CAMSAP1: variants seen among roughly 807,000 people sequenced by gnomAD.
CAMSAP1 encodes calmodulin regulated spectrin associated protein 1, also known as calmodulin-regulated spectrin-associated protein 1.
Under a neutral mutation model 143.5 loss-of-function variants are expected in CAMSAP1, and 58 were observed. That is an observed-to-expected ratio of 0.40 (90% CI 0.33 to 0.50). The LOEUF is 0.50. Ranked by LOEUF, CAMSAP1 falls within the 20% of genes least tolerant of loss-of-function variation. CAMSAP1 has a pLI of 0.45. For missense variants in CAMSAP1, 1,969 were observed against 2,115.7 expected (o/e 0.93, Z 1.36); for synonymous variants, 945 against 859.3 (o/e 1.10, Z -1.74).
At chr9:135,814,670 C>T (rs1050920315) in intron 16 of CAMSAP1, among the ~76,000 whole-genome samples, 2 of 152,202 alleles carry the variant, frequency 1.3e-5, no homozygotes, top group Non-Finnish European at 2.9e-5. Context: ...TCCTCCCCAA[C>T]CCACCGCTCC....
chr9:135,827,480 G>T lies in CAMSAP1; in HGVS notation c.1150C>A (p.Leu384Met). 6.2e-7 allele frequency: 1 copy of T among 1,611,720 alleles called. No homozygotes were observed. Among genetic ancestry groups the T allele is most frequent in the Non-Finnish European group, 8.5e-7 (1 of 1,178,038 alleles). ...GSPAAGTLAE[L>M]QPPVQLPAEG... ...GCCGGCAGCTGCACGGGGGGCTGCA[G>T]CTCAGCCAGGGTCCCTGCAGCAGGG... The change falls in exon 8 of 17, where the codon CTG becomes ATG. Residue 384 changes from leucine (L) to methionine (M), a missense_variant. Coordinates refer to ENST00000389532, the MANE Select transcript of CAMSAP1 (RefSeq NM_015447.4).
chr9:135,906,933 C>T (rs1838801340), intron 1 of CAMSAP1, 67 bp downstream of exon 1: 11 of 893,042 alleles, frequency 1.2e-5, no homozygotes, highest in Non-Finnish European at 1.5e-5. Context: ...CCGGCCGGAC[C>T]CCGGCCGCGT....
At chr9:135,843,873 CAAAAAAA>C (rs150201026) in intron 7 of CAMSAP1, among the ~76,000 whole-genome samples, 151 of 63,948 alleles carry the variant, frequency 2.4e-3, no homozygotes, top group African/African-American at 7.7e-3. Flanking sequence ...GACTCCGTCT[CAAAAAAA>C]AAAAAAAAAA....
intron 5 of CAMSAP1, among the ~76,000 whole-genome samples, chr9:135,860,742 G>A (rs1837159028): frequency 6.6e-6 from 1 of 151,692 alleles, no homozygotes; most frequent in South Asian, 2.1e-4. Context: ...TAAATATCCT[G>A]TTATCTTTCA....
intron 5 of CAMSAP1, among the ~76,000 whole-genome samples, chr9:135,856,193 A>C (rs1836963671): frequency 6.6e-6 from 1 of 152,250 alleles, no homozygotes; most frequent in Non-Finnish European, 1.5e-5. Flanking sequence ...AATTTACAAA[A>C]GAAAGCAGTT....
chr9:135,907,018 C>A lies in CAMSAP1; in HGVS notation c.142G>T (p.Ala48Ser). 2 of 1,175,670 alleles carry A rather than the reference C, an allele frequency of 1.7e-6. No individual in the cohort carries two copies. The highest frequency in any genetic ancestry group is 2.3e-5 in the South Asian group (1 of 43,166). The allele number at this position is 1,175,670 out of a possible 1,614,324, so 72.8% of individuals were successfully genotyped here. Reference sequence around the variant, plus strand: ...GGCCCACCTCGGCCGTAGGCCTTGGCGCAGATCCACTGCAGGTTGGCGGCG... The same window carrying A: ...GGCCCACCTCGGCCGTAGGCCTTGGAGCAGATCCACTGCAGGTTGGCGGCG... Reference protein sequence around the residue: ...KIAANLQWICAKAYGRDNIPE... With the variant: ...KIAANLQWICSKAYGRDNIPE... Residue 48 changes from alanine (A) to serine (S), a missense_variant, in exon 1 of 17, where the codon GCC becomes TCC. By Grantham distance (99) the Ala-to-Ser change is moderately conservative. Coordinates refer to ENST00000389532, the MANE Select transcript of CAMSAP1 (RefSeq NM_015447.4).
chr9:135,905,969 A>G (rs1173452744), intron 1 of CAMSAP1, among the ~76,000 whole-genome samples: 1 of 152,268 alleles, frequency 6.6e-6, no homozygotes, highest in African/African-American at 2.4e-5. Flanking sequence ...CCAGTAAACA[A>G]GAACTGTAAA....
intron 5 of CAMSAP1, among the ~76,000 whole-genome samples, chr9:135,857,841 G>C (rs1013601367): frequency 2.6e-5 from 4 of 152,174 alleles, no homozygotes; most frequent in Non-Finnish European, 5.9e-5. Context: ...TCACCTTCGG[G>C]TATGAAGAAT....
At chr9:135,889,763 GGATGGTTA>G (rs1252592228) in intron 1 of CAMSAP1, among the ~76,000 whole-genome samples, 1 of 152,190 alleles carries the variant, frequency 6.6e-6, no homozygotes, top group African/African-American at 2.4e-5. Context: ...GGAGCGCATG[GGATGGTTA>G]GAGTGGAGCA....
rs900493007 is a variant in CAMSAP1 at position 135,907,514 on chromosome 9, C to G, written c.-355G>C. 2.7e-5 allele frequency among the ~76,000 whole-genome samples: 4 copies of G among 148,854 alleles called. No individual in the cohort carries two copies. Among genetic ancestry groups the G allele is most frequent in the African/African-American group, 9.7e-5 (4 of 41,050 alleles). ...TGAGCGGCGGCGGCGGCGACAGCGG[C>G]TGAGGCGGTGGCCAAGGAGCGGGAG... On this transcript the variant is annotated 5_prime_UTR_variant, in exon 1 of 17. Coordinates refer to ENST00000389532, the MANE Select transcript of CAMSAP1 (RefSeq NM_015447.4).
At chr9:135,837,446 C>A (rs955208249) in intron 7 of CAMSAP1, among the ~76,000 whole-genome samples, 1 of 149,608 alleles carries the variant, frequency 6.7e-6, no homozygotes, top group Non-Finnish European at 1.5e-5. Context: ...TCTACAGACA[C>A]ACGTCATCAC....
At chr9:135,848,628 T>C (rs1836663486) in intron 7 of CAMSAP1, among the ~76,000 whole-genome samples, 2 of 152,154 alleles carry the variant, frequency 1.3e-5, no homozygotes. Flanking sequence ...GTGCCTTCAT[T>C]ATCAGGAGAA....
chr9:135,869,506 C>CAA (rs1181621076), intron 3 of CAMSAP1, among the ~76,000 whole-genome samples: 68 of 83,976 alleles, frequency 8.1e-4, no homozygotes, highest in African/African-American at 2.5e-3. Flanking sequence ...CAGTCTCAAA[C>CAA]AAAAAAAAAA....
In CAMSAP1 at chr9:135,824,947, A is replaced by C; in HGVS notation, c.1224-67T>G. 8.1e-7 allele frequency: 1 copy of C among 1,240,470 alleles called. No homozygotes were observed. Among genetic ancestry groups the C allele is most frequent in the East Asian group, 2.5e-5 (1 of 39,458 alleles). 76.8% of individuals were successfully genotyped at this position (1,240,470 alleles called of 1,614,324 possible). A position where few individuals can be genotyped will look rare whatever the true frequency, so the allele number is the denominator to read the frequency against. On this transcript the variant is annotated intron_variant, in intron 8 of 16. Coordinates refer to ENST00000389532, the MANE Select transcript of CAMSAP1 (RefSeq NM_015447.4). The surrounding 1 kb of genome is among the most constrained non-coding windows in gnomAD (Gnocchi z 4.1). ...AAACTTCAAGGTCAACAGCAAATGC[A>C]CAAGTGTACAGGACCATCCTGAATT...
chr9:135,815,511 C>T (rs767880832), intron 15 of CAMSAP1, among the ~76,000 whole-genome samples: 26 of 152,172 alleles, frequency 1.7e-4, no homozygotes, highest in Non-Finnish European at 3.2e-4. Flanking sequence ...GTCTAAAGTT[C>T]AAAGGCCCCG....
chr9:135,897,146 T>C (rs916948118), intron 1 of CAMSAP1, among the ~76,000 whole-genome samples: 6 of 152,202 alleles, frequency 3.9e-5, no homozygotes, highest in Non-Finnish European at 5.9e-5. Context: ...CTCAGTACTA[T>C]ACTTTCCTAC....
intron 5 of CAMSAP1, among the ~76,000 whole-genome samples, chr9:135,854,978 T>C (rs1836902584): frequency 6.6e-6 from 1 of 152,054 alleles, no homozygotes. Context: ...TGTTCTTAAG[T>C]TCTTATCATT....
At chr9:135,819,190 G>A (rs1375394873) in intron 11 of CAMSAP1, 44 bp from the exon 12 acceptor site, 2 of 1,569,646 alleles carry the variant, frequency 1.3e-6, no homozygotes, top group Admixed American at 3.5e-5. Context: ...AACCCCCTCA[G>A]ACGCCGGACA....
In CAMSAP1 at chr9:135,818,696, C is replaced by T. The variant is rs539303001; in HGVS notation, c.3960-80G>A. 1.3e-6 allele frequency: 2 copies of T among 1,482,202 alleles called. No homozygotes were observed. Among genetic ancestry groups the T allele is most frequent in the East Asian group, 2.4e-5 (1 of 41,388 alleles). 91.8% of individuals were successfully genotyped at this position (1,482,202 alleles called of 1,614,324 possible). ...CCTGCGCCGCGGCGCTCTGTCCAGG[C>T]GCGTTTCTCGGGTTCTCCCCGGCCG... On this transcript the variant is annotated intron_variant, in intron 12 of 16. Coordinates refer to ENST00000389532, the MANE Select transcript of CAMSAP1 (RefSeq NM_015447.4). This position sits in a 1 kb window ranked among gnomAD's most constrained non-coding sequence, Gnocchi z 7.7.
Sources: allele counts gnomAD v4.1 joint callset (sites outside exome capture counted in the v4.1 genomes callset), GRCh38; gene constraint gnomAD v4.1.1; non-coding constraint Gnocchi (gnomAD v3.1); transcripts MANE v1.5; gene names NCBI Gene and HGNC (gene_info 2026-07-23, HGNC 2026-07-21).